The following GALNT2 variants were observed in gnomAD, a reference collection of about 807,000 sequenced individuals.
The protein encoded by GALNT2 is polypeptide N-acetylgalactosaminyltransferase 2, also known as UDP-GalNAc:polypeptide N-acetylgalactosaminyltransferase 2.
Under a neutral mutation model 81.4 loss-of-function variants are expected in GALNT2, and 31 were observed. The observed-to-expected ratio is 0.38, with a 90% CI of 0.29 to 0.51. The LOEUF (loss-of-function observed/expected upper bound fraction) is 0.51, where lower values mean the gene tolerates loss of function less well. GALNT2 is among the 20% of genes least tolerant of loss of function. The pLI, the probability that GALNT2 is intolerant of heterozygous loss-of-function variation, is 0.87. For missense variants in GALNT2, 629 were observed against 765.7 expected (o/e 0.82, Z 2.11); for synonymous variants, 303 against 287.4 (o/e 1.05, Z -0.55).
intron 2 of GALNT2, among the ~76,000 whole-genome samples, chr1:230,197,750 C>T (rs373710444): frequency 3.5e-4 from 53 of 151,450 alleles, no homozygotes; most frequent in African/African-American, 1.2e-3. Context: ...ATTTTGTGCT[C>T]TGTGTGTGTG....
intron 1 of GALNT2, among the ~76,000 whole-genome samples, chr1:230,152,486 T>G (rs999879049): frequency 6.6e-6 from 1 of 152,216 alleles, no homozygotes; most frequent in African/African-American, 2.4e-5. Context: ...ACATCATACA[T>G]GTAAGAGTAG....
At chr1:230,227,486 TAGCTATATATGCTATATAATAC>T (rs1241747314) in intron 3 of GALNT2, among the ~76,000 whole-genome samples, 3 of 149,142 alleles carry the variant, frequency 2.0e-5, no homozygotes, top group Admixed American at 6.7e-5. Context: ...CTATATAATA[TAGCTATATATGCTATATAATAC>T]AGCTATATAT....
intron 2 of GALNT2, among the ~76,000 whole-genome samples, chr1:230,183,314 A>G (rs1474633702): frequency 6.6e-6 from 1 of 151,978 alleles, no homozygotes; most frequent in Non-Finnish European, 1.5e-5. Context: ...TATATTTGTT[A>G]TTGTTTTTTA....
At chr1:230,161,831 C>G (rs1172524769) in intron 1 of GALNT2, among the ~76,000 whole-genome samples, 2 of 152,180 alleles carry the variant, frequency 1.3e-5, no homozygotes, top group Non-Finnish European at 2.9e-5. Context: ...GTTTCTATTA[C>G]TTATTTTACT....
intron 10 of GALNT2, among the ~76,000 whole-genome samples, chr1:230,251,339 A>T (rs1431938262): frequency 1.3e-5 from 2 of 152,098 alleles, no homozygotes; most frequent in Non-Finnish European, 2.9e-5. Context: ...GGGAGAAGGA[A>T]AGGGGAAAAT....
intron 10 of GALNT2, among the ~76,000 whole-genome samples, chr1:230,251,184 AG>A (rs1665534699): frequency 1.3e-5 from 2 of 152,212 alleles, no homozygotes; most frequent in South Asian, 4.1e-4. Context: ...TTGTTTGTTT[AG>A]GGTTTGGAGT....
chr1:230,084,600 G>C lies in GALNT2; in HGVS notation c.126+17194G>C, dbSNP rs542116979. 8.5e-5 allele frequency among the ~76,000 whole-genome samples: 13 copies of C among 152,138 alleles called. No homozygotes were observed. The South Asian group carries it at 1.0e-3, about 12-fold the overall frequency. On this transcript the variant is annotated intron_variant, in intron 1 of 15. Transcript: ENST00000366672. ...AGGGAGATGAGGCTGAGACTGGTGG[G>C]CTCGGGGGAGAATGGCTGAGAGCCA...
In GALNT2 at chr1:230,092,185, T is replaced by TG. The variant is rs371156205; in HGVS notation, c.126+24779_126+24780insG. Among the ~76,000 whole-genome samples, 227 of 114,262 alleles carry TG rather than the reference T, an allele frequency of 2.0e-3. 6 individuals are homozygous for TG. The highest frequency in any genetic ancestry group is 4.7e-3 in the African/African-American group (144 of 30,832). The allele number at this position is 114,262 out of a possible 152,430, so 75.0% of individuals were successfully genotyped here. On this transcript the variant is annotated intron_variant, in intron 1 of 15. Coordinates refer to ENST00000366672, the MANE Select transcript of GALNT2 (RefSeq NM_004481.5). ...ACCTTATATTCCTTTAGTTTTTTTTTTTTTTTTTTTTGCACTGATCTTTCT... is the reference window on the plus strand; with the variant it reads ...ACCTTATATTCCTTTAGTTTTTTTTTGTTTTTTTTTTTGCACTGATCTTTCT...
chr1:230,118,865 A>G (rs1281612515), intron 1 of GALNT2, among the ~76,000 whole-genome samples: 2 of 152,126 alleles, frequency 1.3e-5, no homozygotes, highest in South Asian at 2.1e-4. Flanking sequence ...AGTAGACTCA[A>G]TAGTATAATG....
chr1:230,087,309 A>T (rs1659929470), intron 1 of GALNT2, among the ~76,000 whole-genome samples: 1 of 152,202 alleles, frequency 6.6e-6, no homozygotes, highest in African/African-American at 2.4e-5. Context: ...CACAAATGAA[A>T]TATGTGCAGG....
At chr1:230,227,325 G>C (rs960082662) in intron 3 of GALNT2, among the ~76,000 whole-genome samples, 1 of 151,932 alleles carries the variant, frequency 6.6e-6, no homozygotes, top group South Asian at 2.1e-4. Flanking sequence ...TCCTTCAGTA[G>C]TATCTAGCTA....
intron 1 of GALNT2, among the ~76,000 whole-genome samples, chr1:230,086,986 G>C (rs981261416): frequency 6.6e-6 from 1 of 152,172 alleles, no homozygotes; most frequent in Admixed American, 6.5e-5. Context: ...CTGTCACAAG[G>C]GTTCAACAAG....
intron 3 of GALNT2, among the ~76,000 whole-genome samples, chr1:230,234,947 C>A (rs1664978989): frequency 6.6e-6 from 1 of 152,148 alleles, no homozygotes; most frequent in African/African-American, 2.4e-5. Context: ...AGCACAGTGG[C>A]TCATGCCGGT....
intron 1 of GALNT2, among the ~76,000 whole-genome samples, chr1:230,092,185 T>TGTTTTTTTTTTTTTTTTTTTTTTTTG (rs371156205): frequency 1.2e-4 from 14 of 114,248 alleles, no homozygotes; most frequent in East Asian, 7.1e-4. Flanking sequence ...AGTTTTTTTT[T>TGTTTTTTTTTTTTTTTTTTTTTTTTG]TTTTTTTTTT....
intron 2 of GALNT2, among the ~76,000 whole-genome samples, chr1:230,180,296 C>CT (rs56786141): frequency 0.074 from 5,234 of 70,628 alleles, 1,053 homozygotes; most frequent in African/African-American, 0.12. Flanking sequence ...TGTCTAGGTT[C>CT]TTTTTTTTTT....
chr1:230,170,504 A>T lies in GALNT2; in HGVS notation c.127-7714A>T, dbSNP rs142214716. Among the ~76,000 whole-genome samples, 36 of 152,346 alleles carry T rather than the reference A, an allele frequency of 2.4e-4. No homozygotes were observed. In the East Asian group the frequency reaches 6.9e-3, roughly 29 times the overall value. ...TAGATACCAGTGTTTTACACAGTAC[A>T]GGCTTCTGGTTTTAAGAGAACTTTT... On this transcript the variant is annotated intron_variant, in intron 1 of 15. Coordinates refer to ENST00000366672, the MANE Select transcript of GALNT2 (RefSeq NM_004481.5).
Position 230,244,873 on chromosome 1 carries a change from T to TAG in GALNT2, c.730-1190_730-1189insAG, listed in dbSNP as rs879295163. On this transcript the variant is annotated intron_variant, in intron 7 of 15. Transcript: ENST00000366672. ...TGTTTGCGTGTTCCTAATTAGCATG[T>TAG]TCCTTCACCTGTTCCTCTGATGTAG... Among the ~76,000 whole-genome samples, 1,408 of 152,308 alleles carry TAG rather than the reference T, an allele frequency of 9.2e-3. 5 individuals carry two copies. Among genetic ancestry groups the TAG allele is most frequent in the Middle Eastern group, 0.037 (11 of 294 alleles).
chr1:230,238,871 G>A (rs928505423), intron 6 of GALNT2, among the ~76,000 whole-genome samples: 3 of 152,140 alleles, frequency 2.0e-5, no homozygotes, highest in African/African-American at 7.2e-5. Context: ...AAGATGGAAA[G>A]TGTGCCCTTC....
At position 230,244,880 on chromosome 1, in the gene GALNT2, ACC is replaced by A. The variant is rs879789718; in HGVS notation, c.730-1182_730-1181del. On this transcript the variant is annotated intron_variant, in intron 7 of 15. Coordinates refer to ENST00000366672, the MANE Select transcript of GALNT2 (RefSeq NM_004481.5). ...GTGTTCCTAATTAGCATGTTCCTTC[ACC>A]TGTTCCTCTGATGTAGTATGTTCTT... is the stretch of plus-strand genomic sequence containing the variant. 9.3e-3 allele frequency among the ~76,000 whole-genome samples: 1,409 copies of A among 151,994 alleles called. 5 individuals carry two copies. The highest frequency in any genetic ancestry group is 0.038 in the Middle Eastern group (11 of 292).
Sources: gnomAD v4.1 joint callset for allele counts (sites outside exome capture counted in the v4.1 genomes callset) on GRCh38, gnomAD v4.1.1 for gene constraint, MANE v1.5 for transcripts, NCBI Gene and HGNC (gene_info 2026-07-23, HGNC 2026-07-21) for gene names.